The following FAM153A variants were observed in gnomAD, a reference collection of about 807,000 sequenced individuals.
The protein encoded by FAM153A is protein FAM153A.
A neutral mutation model predicts 48.1 loss-of-function variants in FAM153A; 12 were observed. The observed-to-expected ratio is 0.25, with a 90% confidence interval of 0.16 to 0.40. The LOEUF (loss-of-function observed/expected upper bound fraction) is 0.40. Among genes scored for constraint, FAM153A ranks in the 10% least tolerant of loss-of-function variants. The probability of loss-of-function intolerance (pLI) is 1.00; values close to 1 mark genes in which losing one functional copy is unlikely to be tolerated. For missense variants in FAM153A, 111 were observed against 345.8 expected, an observed-to-expected ratio of 0.32 and a Z score of 5.38; for synonymous variants, 36 against 118.2, an observed-to-expected ratio of 0.30 and a Z score of 4.51.
At chr5:177,756,519 T>G (rs1767750107), upstream of FAM153A, among the ~76,000 whole-genome samples, 1 of 135,996 alleles carries the variant, frequency 7.4e-6, no homozygotes, top group Non-Finnish European at 1.6e-5. Flanking sequence ...CCACCCCAAA[T>G]CAACAGAATA....
At chr5:177,703,585 T>C (rs1335573116), downstream of FAM153A, among the ~76,000 whole-genome samples, 20 of 147,758 alleles carry the variant, frequency 1.4e-4, no homozygotes, top group Non-Finnish European at 2.2e-4. Context: ...CAAATTGTAA[T>C]CCTCAATGTT....
At chr5:177,705,323 G>A (rs1467663301), downstream of FAM153A, among the ~76,000 whole-genome samples, 1 of 147,168 alleles carries the variant, frequency 6.8e-6, no homozygotes, top group Admixed American at 6.8e-5. Flanking sequence ...AAAGTATATG[G>A]CACCCCCACC....
At chr5:177,758,307 T>C (rs1185906475) in intron 1 of FAM153A, among the ~76,000 whole-genome samples, 1 of 132,088 alleles carries the variant, frequency 7.6e-6, no homozygotes, top group East Asian at 2.1e-4. Flanking sequence ...TACAAACCAC[T>C]GCTCAATGAA....
intron 10 of FAM153A, among the ~76,000 whole-genome samples, chr5:177,737,401 A>G (rs529482609): frequency 0.012 from 1,810 of 150,982 alleles, 55 homozygotes; most frequent in African/African-American, 0.043. Flanking sequence ...GAGCATCGAC[A>G]GCTTCTCCTT....
At chr5:177,738,983 C>A in intron 10 of FAM153A, 130 bp downstream of exon 12, 1 of 620,024 alleles carries the variant, frequency 1.6e-6, no homozygotes, top group Non-Finnish European at 2.8e-6. Flanking sequence ...TTAGAAATTT[C>A]TTCCCAAACC....
chr5:177,711,262 A>G (rs1174319570), exon 27 of FAM153A: 3 of 151,882 alleles, frequency 2.0e-5, no homozygotes, highest in Non-Finnish European at 4.4e-5. Flanking sequence ...TTTTAAACGG[A>G]ATATGAAACA....
At chr5:177,752,618 C>CAAAAAAA (rs71274705) in intron 1 of FAM153A, among the ~76,000 whole-genome samples, 48 of 30,998 alleles carry the variant, frequency 1.5e-3, no homozygotes, top group East Asian at 2.9e-3. Flanking sequence ...GAGACTCTGC[C>CAAAAAAA]AAAAAAAAAA....
chr5:177,781,768 G>C (rs1769688893), upstream of FAM153A: 1 of 97,768 alleles, frequency 1.0e-5, no homozygotes, highest in Non-Finnish European at 2.2e-5. Flanking sequence ...GCCCAGGCTG[G>C]AGTGCAGTGG....
chr5:177,743,686 G>A (rs1213608986), intron 6 of FAM153A, among the ~76,000 whole-genome samples: 1 of 75,702 alleles, frequency 1.3e-5, no homozygotes, highest in East Asian at 4.5e-4. Context: ...CTCAAGATGG[G>A]TGGTGGAGGG....
chr5:177,758,669 C>T (rs1767991141), intron 1 of FAM153A, among the ~76,000 whole-genome samples: 1 of 150,440 alleles, frequency 6.6e-6, no homozygotes, highest in South Asian at 2.2e-4. Context: ...AGAAATAATG[C>T]CACATATCTA....
chr5:177,705,661 T>TC (rs1449791958), downstream of FAM153A, among the ~76,000 whole-genome samples: 338 of 126,442 alleles, frequency 2.7e-3, 6 homozygotes, highest in African/African-American at 1.0e-2. Context: ...TCTTTTTCTT[T>TC]TTTTTTTTTT....
chr5:177,709,377 T>TTC (rs1554133309), downstream of FAM153A, among the ~76,000 whole-genome samples: 13 of 139,304 alleles, frequency 9.3e-5, no homozygotes, highest in Admixed American at 2.2e-4. Context: ...TTTTTTTTTT[T>TTC]CCGAGATGAA....
exon 27 of FAM153A, chr5:177,711,626 C>CATTACTTCTTTTGGCAT (rs1758491132): frequency 1.3e-5 from 2 of 151,868 alleles, no homozygotes. Flanking sequence ...TGATGTCTTA[C>CATTACTTCTTTTGGCAT]AATTTAAATT....
chr5:177,746,027 A>T (rs972602453), intron 4 of FAM153A, among the ~76,000 whole-genome samples: 8 of 150,632 alleles, frequency 5.3e-5, no homozygotes, highest in Non-Finnish European at 8.9e-5. Context: ...GCAAGAAATT[A>T]TACCAGGGCT....
intron 4 of FAM153A, among the ~76,000 whole-genome samples, chr5:177,746,457 C>T (rs1333906985): frequency 6.7e-6 from 1 of 149,422 alleles, no homozygotes; most frequent in African/African-American, 2.5e-5. Context: ...CCGTCTCCAG[C>T]CAGAACATTT....
chr5:177,695,709 C>T, the FAM153A span, among the ~76,000 whole-genome samples: 1 of 151,602 alleles, frequency 6.6e-6, no homozygotes, highest in Non-Finnish European at 1.5e-5. Context: ...CCCACATTTC[C>T]CCCTTTCTTT....
intron 12 of FAM153A, among the ~76,000 whole-genome samples, chr5:177,735,223 A>G (rs1764524590): frequency 1.3e-5 from 2 of 149,250 alleles, no homozygotes; most frequent in Admixed American, 1.3e-4. Flanking sequence ...GATCCCTGAC[A>G]AAGTCATTTC....
rs573017179 is a variant in FAM153A at position 177,772,021 on chromosome 5, C to A, written c.-57+8428G>T. Among the ~76,000 whole-genome samples the A allele has an allele frequency of 7.2e-4, 70 of 97,854 alleles. 21 individuals are homozygous for A. The highest frequency in any genetic ancestry group is 1.3e-3 in the Non-Finnish European group (62 of 47,094). The allele number at this position is 97,854 out of a possible 152,430, so 64.2% of individuals were successfully genotyped here. ...ATCTGAATATGATTATTTGCTGAAT[C>A]CTGTGAGTCCTTCTAGTGAATCACC... On this transcript the variant is annotated intron_variant, in intron 1 of 8. Transcript: ENST00000393518.
the FAM153A span, among the ~76,000 whole-genome samples, chr5:177,702,015 C>T: frequency 6.6e-6 from 1 of 151,468 alleles, no homozygotes; most frequent in Non-Finnish European, 1.5e-5. Flanking sequence ...TCACGCCATT[C>T]TCCTGCCTCA....
Sources: gnomAD v4.1 joint callset for allele counts (sites outside exome capture counted in the v4.1 genomes callset) on GRCh38, gnomAD v4.1.1 for gene constraint, MANE v1.5 for transcripts, NCBI Gene and HGNC (gene_info 2026-07-23, HGNC 2026-07-21) for gene names.